Variants in CNTNAP2 observed in about 807,000 individuals in gnomAD.
CNTNAP2 encodes contactin-associated protein-like 2.
CNTNAP2 carries 98 observed loss-of-function variants against 155.2 expected under a neutral mutation model. The observed-to-expected ratio is 0.63, with a 90% CI of 0.54 to 0.75. CNTNAP2 has a LOEUF of 0.75. CNTNAP2 is among the 30% of genes least tolerant of loss of function. CNTNAP2 has a pLI of 0.00. For synonymous variants in CNTNAP2, 651 were observed against 631.2 expected, an observed-to-expected ratio of 1.03 and a Z score of -0.47; for missense variants, 1,727 against 1,688.1, an observed-to-expected ratio of 1.02 and a Z score of -0.40.
chr7:148,323,091 T>C (rs1797824574), intron 21 of CNTNAP2, among the ~76,000 whole-genome samples: 1 of 152,096 alleles, frequency 6.6e-6, no homozygotes, highest in South Asian at 2.1e-4. Context: ...ATGCTTTACC[T>C]ATGTTACCTC....
chr7:147,393,178 A>G (rs530266122), intron 9 of CNTNAP2, among the ~76,000 whole-genome samples: 3 of 152,130 alleles, frequency 2.0e-5, no homozygotes, highest in African/African-American at 7.2e-5. Context: ...TTGGAATATT[A>G]TGGAGAGAAA....
intron 15 of CNTNAP2, among the ~76,000 whole-genome samples, chr7:147,980,059 G>A (rs1801495489): frequency 1.3e-5 from 2 of 152,228 alleles, no homozygotes; most frequent in Non-Finnish European, 2.9e-5. Context: ...AGAATTTATT[G>A]TGAGGCTGTC....
chr7:147,862,169 A>G (rs1342650574), intron 13 of CNTNAP2, among the ~76,000 whole-genome samples: 1 of 152,166 alleles, frequency 6.6e-6, no homozygotes, highest in Non-Finnish European at 1.5e-5. Flanking sequence ...CCTGTCCATC[A>G]TCAAAAAAGA....
chr7:146,661,359 C>A (rs1329390617), intron 1 of CNTNAP2, among the ~76,000 whole-genome samples: 10 of 151,912 alleles, frequency 6.6e-5, no homozygotes, highest in Non-Finnish European at 1.0e-4. Context: ...TACGGTTCTA[C>A]GAATTTTGGC....
rs1563203673 is a variant in CNTNAP2 at position 146,721,507 on chromosome 7, ATATATACATTCTATATATATTC to A, written c.98-52699_98-52678del. Among the ~76,000 whole-genome samples, 622 of 124,978 alleles carry A rather than the reference ATATATACATTCTATATATATTC, an allele frequency of 5.0e-3. 2 individuals carry two copies. The highest frequency in any genetic ancestry group is 0.022 in the East Asian group (94 of 4,280). The allele number at this position is 124,978 out of a possible 152,430, so 82.0% of individuals were successfully genotyped here. A position where few individuals can be genotyped will look rare whatever the true frequency, so the allele number is the denominator to read the frequency against. On this transcript the variant is annotated intron_variant, in intron 1 of 23. Transcript: ENST00000361727. ...TCTATATACATTCTATATATATTCT[ATATATACATTCTATATATATTC>A]TATATACATTCTATATATATTCTAT...
At chr7:146,125,008 T>C (rs546013401) in intron 1 of CNTNAP2, among the ~76,000 whole-genome samples, 58 of 152,316 alleles carry the variant, frequency 3.8e-4, no homozygotes, top group Non-Finnish European at 7.5e-4. Flanking sequence ...TTTCAGCTAA[T>C]AAAGTATACT....
intron 1 of CNTNAP2, among the ~76,000 whole-genome samples, chr7:146,230,535 C>A (rs1193197877): frequency 6.6e-6 from 1 of 152,126 alleles, no homozygotes; most frequent in East Asian, 1.9e-4. Context: ...ATAAAGAATG[C>A]AAGTCAATAG....
chr7:146,527,752 C>A (rs373574151), intron 1 of CNTNAP2, among the ~76,000 whole-genome samples: 1 of 151,850 alleles, frequency 6.6e-6, no homozygotes, highest in Non-Finnish European at 1.5e-5. Flanking sequence ...ATACAATATT[C>A]GACAAGTGGA....
At chr7:148,244,845 G>A (rs954231440) in intron 20 of CNTNAP2, among the ~76,000 whole-genome samples, 3 of 151,606 alleles carry the variant, frequency 2.0e-5, no homozygotes, top group African/African-American at 2.4e-5. Flanking sequence ...TTACAGGCAT[G>A]AGCCACCATG....
intron 16 of CNTNAP2, among the ~76,000 whole-genome samples, chr7:148,142,600 G>T (rs376579229): frequency 6.6e-6 from 1 of 152,288 alleles, no homozygotes; most frequent in East Asian, 1.9e-4. Flanking sequence ...GTGTTAGCTG[G>T]TCTGCCCATC....
At chr7:147,091,510 G>A (rs1161757523) in intron 4 of CNTNAP2, among the ~76,000 whole-genome samples, 1 of 152,078 alleles carries the variant, frequency 6.6e-6, no homozygotes, top group Non-Finnish European at 1.5e-5. Flanking sequence ...GGAGTGCAGT[G>A]GCACGATCTC....
intron 15 of CNTNAP2, among the ~76,000 whole-genome samples, chr7:148,059,452 G>A (rs746566642): frequency 2.6e-5 from 4 of 151,896 alleles, no homozygotes; most frequent in African/African-American, 7.3e-5. Context: ...TTATCCGGGT[G>A]TGGTGGTGCA....
chr7:146,153,685 G>T (rs1382071256), intron 1 of CNTNAP2, among the ~76,000 whole-genome samples: 1 of 152,144 alleles, frequency 6.6e-6, no homozygotes, highest in Non-Finnish European at 1.5e-5. Flanking sequence ...CCCTAAAAGG[G>T]AAGTGCTTGG....
chr7:146,782,500 C>G (rs1479891594), intron 2 of CNTNAP2, among the ~76,000 whole-genome samples: 2 of 152,114 alleles, frequency 1.3e-5, no homozygotes, highest in African/African-American at 4.8e-5. Flanking sequence ...TGACCAAGGA[C>G]AAGCATGGGA....
chr7:147,076,685 G>T (rs180726517), intron 4 of CNTNAP2, among the ~76,000 whole-genome samples: 3 of 152,134 alleles, frequency 2.0e-5, no homozygotes, highest in African/African-American at 4.8e-5. Context: ...GTCAACCAAA[G>T]ACTTCAGGAT....
chr7:147,160,318 ATTTG>A (rs1469993055), intron 8 of CNTNAP2, among the ~76,000 whole-genome samples: 1 of 152,086 alleles, frequency 6.6e-6, no homozygotes, highest in African/African-American at 2.4e-5. Context: ...CAGGAACCAA[ATTTG>A]TTTATCAAAT....
chr7:147,698,616 G>A (rs1450507581), intron 13 of CNTNAP2, among the ~76,000 whole-genome samples: 1 of 152,114 alleles, frequency 6.6e-6, no homozygotes, highest in Non-Finnish European at 1.5e-5. Flanking sequence ...AGTCTAGAGT[G>A]CAGTAGCACA....
intron 21 of CNTNAP2, among the ~76,000 whole-genome samples, chr7:148,296,545 C>CAAAAAAAAAAAAAAAAAAAAAAA (rs143609414): frequency 1.3e-5 from 1 of 76,608 alleles, no homozygotes; most frequent in African/African-American, 5.1e-5. Context: ...GACTCTGTCT[C>CAAAAAAAAAAAAAAAAAAAAAAA]AAAAAAAAAA....
chr7:146,695,987 T>C (rs576102764), intron 1 of CNTNAP2, among the ~76,000 whole-genome samples: 2 of 152,290 alleles, frequency 1.3e-5, no homozygotes, highest in African/African-American at 2.4e-5. Flanking sequence ...ATGAGAGATA[T>C]TAGTAATTTT....
Sources: gnomAD v4.1 joint callset for allele counts (sites outside exome capture counted in the v4.1 genomes callset) on GRCh38, gnomAD v4.1.1 for gene constraint, MANE v1.5 for transcripts, NCBI Gene and HGNC (gene_info 2026-07-23, HGNC 2026-07-21) for gene names.